PNLIPRP1: variants seen among roughly 807,000 people sequenced by gnomAD.
PNLIPRP1 encodes the protein inactive pancreatic lipase-related protein 1.
In PNLIPRP1, 57 loss-of-function variants were observed where a neutral mutation model predicts 54.6. That is an observed-to-expected ratio of 1.04 (90% confidence interval 0.84 to 1.30). The LOEUF (loss-of-function observed/expected upper bound fraction) is 1.30, where lower values mean the gene tolerates loss of function less well. Ranked by LOEUF, PNLIPRP1 falls within the 50% of genes most tolerant of loss-of-function variation. PNLIPRP1 has a pLI of 0.00. For missense variants in PNLIPRP1, 567 were observed against 568.5 expected (o/e 1.00, Z 0.03); for synonymous variants, 232 against 208.8 (o/e 1.11, Z -0.96).
chr10:116,591,648 G>C, intron 2 of PNLIPRP1, 123 bp from the exon 3 acceptor site: 1 of 971,860 alleles, frequency 1.0e-6, no homozygotes, highest in Non-Finnish European at 1.6e-6. Context: ...AGGGGTTGCA[G>C]TAGGTTCATC....
rs1554863231 is a variant in PNLIPRP1 at position 116,591,886 on chromosome 10, C to T, written c.165C>T (p.Arg55=). ...GGAGCCCTGAGAAGATCGGCACCCG[C>T]TTCCTGCTGTACACCAATGAAAACC... is the stretch of plus-strand genomic sequence containing the variant. ...LPWSPEKIGT[R]FLLYTNENPN... The change falls in exon 3 of 13, where the codon CGC becomes CGT. Residue 55 remains arginine (R), a synonymous_variant. Transcript: ENST00000358834. 5 of 1,613,902 alleles carry T rather than the reference C, an allele frequency of 3.1e-6. No individual in the cohort carries two copies. The highest frequency in any genetic ancestry group is 1.6e-4 in the Middle Eastern group (1 of 6,082).
rs782387174 is a variant in PNLIPRP1, at chr10:116,594,857, T to A, written c.458T>A (p.Ile153Asn). 6.2e-7 allele frequency: 1 copy of A among 1,613,832 alleles called. No homozygotes were observed. Among genetic ancestry groups the A allele is most frequent in the Admixed American group, 1.7e-5 (1 of 59,998 alleles). ...GCCCAGGTGGCCCAGATGCTCGACA[T>A]CCTCTTGGTGAGTCAGCTGGCTGGC... ...VGAQVAQMLDILLTEYSYPPS... is the reference protein window; with the variant it reads ...VGAQVAQMLDNLLTEYSYPPS... Residue 153 changes from isoleucine (I) to asparagine (N), a missense_variant, in exon 5 of 13, where the codon ATC (isoleucine) becomes AAC (asparagine). By Grantham distance (149) the Ile-to-Asn change is moderately radical. Transcript: ENST00000358834.
At position 116,602,901 on chromosome 10, in the gene PNLIPRP1, G is replaced by T. The variant is rs182208961; in HGVS notation, c.1064-1129G>T. 3.9e-3 allele frequency among the ~76,000 whole-genome samples: 572 copies of T among 148,474 alleles called. 3 individuals carry two copies. The highest frequency in any genetic ancestry group is 6.7e-3 in the Admixed American group (100 of 14,968). On this transcript the variant is annotated intron_variant, in intron 10 of 12. Coordinates refer to ENST00000358834, the MANE Select transcript of PNLIPRP1 (RefSeq NM_006229.4). ...TGCGTGGTTAAATGTGTGTAGGTTT[G>T]TGTGTGTGTGCACATACACATGCAT...
At position 116,604,153 on chromosome 10, in the gene PNLIPRP1, TA is replaced by T. The variant is rs1847897473; in HGVS notation, c.1172+17del. 2 of 1,340,656 alleles carry T rather than the reference TA, an allele frequency of 1.5e-6. No individual in the cohort carries two copies. The highest frequency in any genetic ancestry group is 2.1e-6 in the Non-Finnish European group (2 of 931,190). 83.0% of individuals were successfully genotyped at this position (1,340,656 alleles called of 1,614,324 possible). A position where few individuals can be genotyped will look rare whatever the true frequency, so the allele number is the denominator to read the frequency against. ...AGTATCTTCAGGTAATTTCCTATTT[TA>T]ACACTACGTCTCATTTGATGATATA... is the stretch of plus-strand genomic sequence containing the variant. On this transcript the variant is annotated intron_variant, in intron 11 of 12. Coordinates refer to ENST00000358834, the MANE Select transcript of PNLIPRP1 (RefSeq NM_006229.4).
Position 116,591,857 on chromosome 10 carries a change from C to T in PNLIPRP1, c.136C>T (p.Pro46Ser). The T allele has an allele frequency of 1.2e-6, 2 of 1,614,180 alleles. No individual in the cohort carries two copies. The highest frequency in any genetic ancestry group is 2.2e-5 in the South Asian group (2 of 91,082). ...AGCAATCAGGCCCCTGAAAATTCTCCCCTGGAGCCCTGAGAAGATCGGCAC... is the reference window on the plus strand; with the variant it reads ...AGCAATCAGGCCCCTGAAAATTCTCTCCTGGAGCCCTGAGAAGATCGGCAC... The part of the protein sequence containing the change: ...GTAIRPLKIL[P>S]WSPEKIGTRF... The change falls in exon 3 of 13, where the codon CCC becomes TCC. Residue 46 changes from proline (P) to serine (S), a missense_variant. Physicochemically the swap from Pro to Ser is moderately conservative, Grantham distance 74. Transcript: ENST00000358834.
chr10:116,605,688 CA>C, intron 12 of PNLIPRP1, 135 bp downstream of exon 12: 2 of 536,744 alleles, frequency 3.7e-6, no homozygotes, highest in Non-Finnish European at 3.2e-6. Flanking sequence ...CCCTTCTCCC[CA>C]AACAAGCAAC....
chr10:116,591,933 C>T lies in PNLIPRP1; in HGVS notation c.204+8C>T. 3 of 1,614,002 alleles carry T rather than the reference C, an allele frequency of 1.9e-6. No homozygotes were observed. Among genetic ancestry groups the T allele is most frequent in the Non-Finnish European group, 2.5e-6 (3 of 1,179,956 alleles). On this transcript the variant is annotated splice_region_variant and intron_variant, in intron 3 of 12. Transcript: ENST00000358834. ...AACCCAAACAACTTTCAAGTGAGACCTCTGTCATTTAAATGTCACTGTAAC... is the reference window on the plus strand; with the variant it reads ...AACCCAAACAACTTTCAAGTGAGACTTCTGTCATTTAAATGTCACTGTAAC...
Position 116,591,885 on chromosome 10 carries a change from G to A in PNLIPRP1, c.164G>A (p.Arg55His), listed in dbSNP as rs115887041. 5.0e-5 allele frequency: 81 copies of A among 1,614,162 alleles called. 2 individuals carry two copies. The East Asian group carries it at 6.5e-4, about 13-fold the overall frequency. Residue 55 changes from arginine (R) to histidine (H), a missense_variant, in exon 3 of 13, where the codon CGC becomes CAC. Coordinates refer to ENST00000358834, the MANE Select transcript of PNLIPRP1 (RefSeq NM_006229.4). Reference sequence around the variant, plus strand: ...TGGAGCCCTGAGAAGATCGGCACCCGCTTCCTGCTGTACACCAATGAAAAC... The same window carrying A: ...TGGAGCCCTGAGAAGATCGGCACCCACTTCCTGCTGTACACCAATGAAAAC... ...LPWSPEKIGT[R>H]FLLYTNENPN...
chr10:116,592,398 CT>C lies in PNLIPRP1; in HGVS notation c.205-16del, dbSNP rs1847654960. On this transcript the variant is annotated splice_polypyrimidine_tract_variant and intron_variant, in intron 3 of 12. Transcript: ENST00000358834. ...GGCTGGGCTGCGAAAACATGAAGCA[CT>C]TCTGCGTCTGTCACAGATTCTCCTC... 3.2e-6 allele frequency: 5 copies of C among 1,587,106 alleles called. No individual in the cohort carries two copies. The East Asian group carries it at 1.1e-4, about 36-fold the overall frequency.
chr10:116,591,972 T>C, intron 3 of PNLIPRP1, 47 bp downstream of exon 3: 3 of 1,596,536 alleles, frequency 1.9e-6, no homozygotes, highest in Non-Finnish European at 2.6e-6. Flanking sequence ...CACGGGGCTA[T>C]GCCCACCCTG....
intron 10 of PNLIPRP1, 94 bp from the exon 11 acceptor site, chr10:116,603,936 T>G: frequency 1.7e-6 from 1 of 581,590 alleles, no homozygotes; most frequent in South Asian, 2.8e-5. Context: ...TTTCTTATGC[T>G]TTGTTGCCTC....
chr10:116,597,696 A>G, intron 6 of PNLIPRP1, 132 bp from the exon 7 acceptor site: 1 of 996,736 alleles, frequency 1.0e-6, no homozygotes, highest in Admixed American at 2.2e-5. Context: ...ACCCAAGGCC[A>G]TGGCACTGCA....
At position 116,592,832 on chromosome 10, in the gene PNLIPRP1, G is replaced by A. The variant is rs184737293; in HGVS notation, c.330+291G>A. The A allele has an allele frequency of 1.5e-4, 66 of 428,474 alleles. 1 individual carries two copies. The highest frequency in any genetic ancestry group is 1.0e-3 in the African/African-American group (50 of 49,338). 26.5% of individuals were successfully genotyped at this position (428,474 alleles called of 1,614,324 possible). On this transcript the variant is annotated intron_variant, in intron 4 of 12. Transcript: ENST00000358834. ...TGAGGGTACTTTGTATCCTATAAGCGAGGGACTATAGGGGTTTCTTTGTTC... is the reference window on the plus strand; with the variant it reads ...TGAGGGTACTTTGTATCCTATAAGCAAGGGACTATAGGGGTTTCTTTGTTC...
rs782020079 is a variant in PNLIPRP1 at position 116,601,175 on chromosome 10, A to T, written c.1037A>T (p.Asn346Ile). ...GAAGAGCAGCAGAAATTCTTCTTGA[A>T]CACAGGAGAGGCTAGCAATTTCGCT... Reference protein sequence around the residue: ...TSEEQQKFFLNTGEASNFARW... With the variant: ...TSEEQQKFFLITGEASNFARW... Residue 346 changes from asparagine (N) to isoleucine (I), a missense_variant, in exon 10 of 13, where the codon AAC becomes ATC. Physicochemically the swap from Asn to Ile is moderately radical, Grantham distance 149. Coordinates refer to ENST00000358834, the MANE Select transcript of PNLIPRP1 (RefSeq NM_006229.4). 1 of 1,614,060 alleles carries T rather than the reference A, an allele frequency of 6.2e-7. No homozygotes were observed. Among genetic ancestry groups the T allele is most frequent in the Non-Finnish European group, 8.5e-7 (1 of 1,179,994 alleles).
At chr10:116,592,158 T>A in intron 3 of PNLIPRP1, 1 of 631,936 alleles carries the variant, frequency 1.6e-6, no homozygotes. Flanking sequence ...GATTCTGGTC[T>A]GGGGCAAACA....
intron 9 of PNLIPRP1, chr10:116,600,512 G>A (rs1419117056): frequency 9.0e-6 from 2 of 221,306 alleles, no homozygotes; most frequent in South Asian, 7.9e-5. Flanking sequence ...AGGGCAGAGC[G>A]AGAGTAGAAG....
chr10:116,596,294 C>G lies in PNLIPRP1; in HGVS notation c.546C>G (p.Ser182Arg), dbSNP rs1847734709. The part of the protein sequence containing the change: ...LGAHVAGEAG[S>R]KTPGLSRITG... Reference sequence around the variant, plus strand: ...CCCACGTGGCTGGAGAGGCAGGAAGCAAGACTCCAGGCCTGAGCAGGATTA... The same window carrying G: ...CCCACGTGGCTGGAGAGGCAGGAAGGAAGACTCCAGGCCTGAGCAGGATTA... Residue 182 changes from serine to arginine, a missense_variant, in exon 6 of 13, where the codon AGC (serine) becomes AGG (arginine). Physicochemically the swap from Ser to Arg is moderately radical, Grantham distance 110. Coordinates refer to ENST00000358834, the MANE Select transcript of PNLIPRP1 (RefSeq NM_006229.4). The G allele has an allele frequency of 4.3e-6, 7 of 1,613,292 alleles. No homozygotes were observed. The highest frequency in any genetic ancestry group is 5.9e-6 in the Non-Finnish European group (7 of 1,179,236).
At position 116,607,987 on chromosome 10, in the gene PNLIPRP1, C is replaced by T. The variant is rs74322847; in HGVS notation, c.1341-1066C>T. On this transcript the variant is annotated intron_variant, in intron 12 of 12. Coordinates refer to ENST00000358834, the MANE Select transcript of PNLIPRP1 (RefSeq NM_006229.4). The stretch of plus-strand genomic sequence containing the variant: ...TCTTGTGCCTCAGCCTCCCAAGTAG[C>T]TGGGATTACAGGCATGCACCACCAC... Among the ~76,000 whole-genome samples the T allele has an allele frequency of 2.3e-4, 35 of 152,260 alleles. No homozygotes were observed. The East Asian group carries it at 6.4e-3, about 28-fold the overall frequency.
chr10:116,593,172 A>C (rs1218034906), intron 4 of PNLIPRP1: 1 of 154,340 alleles, frequency 6.5e-6, no homozygotes, highest in Non-Finnish European at 1.4e-5. Flanking sequence ...CATCTCAAAA[A>C]AAAAAAAAAA....
Sources: gnomAD v4.1 joint callset for allele counts (sites outside exome capture counted in the v4.1 genomes callset) on GRCh38, gnomAD v4.1.1 for gene constraint, MANE v1.5 for transcripts, NCBI Gene and HGNC (gene_info 2026-07-23, HGNC 2026-07-21) for gene names.